Variants in WDR17 observed in about 807,000 individuals in gnomAD.
The protein encoded by WDR17 is WD repeat domain 17.
A neutral mutation model predicts 161.7 loss-of-function variants in WDR17; 143 were observed. That is an observed-to-expected ratio of 0.88 (90% CI 0.77 to 1.02). The LOEUF is 1.02. WDR17 is among the 50% of genes least tolerant of loss of function. The pLI is 0.00. For synonymous variants in WDR17, 517 were observed against 515.6 expected (o/e 1.00, Z -0.04); for missense variants, 1,469 against 1,520.9 (o/e 0.97, Z 0.57).
chr4:176,156,859 G>A (rs1748220126), intron 18 of WDR17, among the ~76,000 whole-genome samples: 1 of 151,974 alleles, frequency 6.6e-6, no homozygotes, highest in African/African-American at 2.4e-5. Flanking sequence ...GCAGTCCTTG[G>A]CATCTTGTGG....
At chr4:176,066,390 T>A (rs1357382314) in intron 1 of WDR17, among the ~76,000 whole-genome samples, 1 of 152,236 alleles carries the variant, frequency 6.6e-6, no homozygotes, top group Non-Finnish European at 1.5e-5. Context: ...ATTAAGTATA[T>A]GTCTAGAGCC....
At chr4:176,115,000 C>T (rs912955804) in intron 2 of WDR17, among the ~76,000 whole-genome samples, 3 of 151,744 alleles carry the variant, frequency 2.0e-5, no homozygotes, top group Admixed American at 1.3e-4. Flanking sequence ...GAGATTCAAT[C>T]GTGTAGAGAT....
chr4:176,174,968 T>C (rs1344217907), intron 26 of WDR17, among the ~76,000 whole-genome samples: 1 of 152,224 alleles, frequency 6.6e-6, no homozygotes, highest in African/African-American at 2.4e-5. Context: ...TGAGACAGGC[T>C]TTCTAAGGCT....
At chr4:176,155,716 AATAT>A (rs113370958) in intron 17 of WDR17, among the ~76,000 whole-genome samples, 6 of 130,290 alleles carry the variant, frequency 4.6e-5, no homozygotes, top group South Asian at 2.5e-4. Flanking sequence ...GACTAATTAA[AATAT>A]ATATATATAT....
chr4:176,165,955 G>T (rs925817296), intron 22 of WDR17, among the ~76,000 whole-genome samples: 2 of 152,154 alleles, frequency 1.3e-5, no homozygotes, highest in Non-Finnish European at 2.9e-5. Context: ...AATCCTCCTG[G>T]CTATTAGTAG....
At position 176,130,738 on chromosome 4, in the gene WDR17, C is replaced by A. The variant is rs557300799; in HGVS notation, c.914-816C>A. Reference sequence around the variant, plus strand: ...CCAGCCCGGGCAACAGAGCGAGACTCCGTCTCAAAAAAAAAAAAAAAAAAA... The same window carrying A: ...CCAGCCCGGGCAACAGAGCGAGACTACGTCTCAAAAAAAAAAAAAAAAAAA... On this transcript the variant is annotated intron_variant, in intron 6 of 28. Transcript: ENST00000508596. Among the ~76,000 whole-genome samples the A allele has an allele frequency of 4.0e-3, 585 of 147,248 alleles. 4 individuals carry two copies. The highest frequency in any genetic ancestry group is 0.014 in the African/African-American group (546 of 39,848).
At chr4:176,107,478 C>T (rs565786153) in intron 1 of WDR17, among the ~76,000 whole-genome samples, 4 of 150,278 alleles carry the variant, frequency 2.7e-5, no homozygotes, top group African/African-American at 9.8e-5. Context: ...GATATTTGTA[C>T]ATCCGTTTTC....
intron 1 of WDR17, among the ~76,000 whole-genome samples, chr4:176,083,539 C>T (rs1373343938): frequency 6.6e-6 from 1 of 152,018 alleles, no homozygotes. Context: ...GTTACTTATT[C>T]TCATTATTAT....
chr4:176,173,984 A>G (rs1386104536), intron 25 of WDR17, among the ~76,000 whole-genome samples: 1 of 151,746 alleles, frequency 6.6e-6, no homozygotes, highest in Non-Finnish European at 1.5e-5. Context: ...TCAAGTCCTT[A>G]AGAAACTCAT....
chr4:176,151,962 G>C lies in WDR17; in HGVS notation c.2455G>C (p.Gly819Arg). 1 of 1,611,722 alleles carries C rather than the reference G, an allele frequency of 6.2e-7. No homozygotes were observed. Among genetic ancestry groups the C allele is most frequent in the Non-Finnish European group, 8.5e-7 (1 of 1,179,404 alleles). Residue 819 changes from glycine (G) to arginine (R), a missense_variant, in exon 17 of 29, where the codon GGA (glycine) becomes CGA (arginine). Coordinates refer to ENST00000508596, the MANE Select transcript of WDR17 (RefSeq NM_181265.4). ...QRYCELMVEL[G>R]EWDKALSIAP... ...ATACTGTGAACTTATGGTTGAACTTGGAGAGGTAATGTGCTATGAAAGTAA... is the reference window on the plus strand; with the variant it reads ...ATACTGTGAACTTATGGTTGAACTTCGAGAGGTAATGTGCTATGAAAGTAA...
At chr4:176,076,214 A>AATAT (rs1219401869) in intron 1 of WDR17, among the ~76,000 whole-genome samples, 2,356 of 60,814 alleles carry the variant, frequency 0.039, 27 homozygotes, top group East Asian at 0.048. Context: ...TTACATATAT[A>AATAT]ATATATATAT....
chr4:176,117,833 C>CA (rs1282440376), intron 3 of WDR17, among the ~76,000 whole-genome samples: 1 of 151,872 alleles, frequency 6.6e-6, no homozygotes, highest in Non-Finnish European at 1.5e-5. Context: ...ATTTTATTTG[C>CA]AAAAAAATTA....
At chr4:176,131,414 A>C (rs1407556961) in intron 6 of WDR17, 140 bp from the exon 7 acceptor site, 2 of 800,192 alleles carry the variant, frequency 2.5e-6, no homozygotes, top group East Asian at 5.8e-5. Flanking sequence ...ATCCCAAAGA[A>C]CTGCTTATGT....
intron 22 of WDR17, 40 bp downstream of exon 22, chr4:176,163,333 G>T (rs1325525719): frequency 6.4e-7 from 1 of 1,564,608 alleles, no homozygotes; most frequent in Non-Finnish European, 8.6e-7. Flanking sequence ...TCATAGTGAT[G>T]GAATACATTT....
chr4:176,086,549 T>C (rs1167087502), intron 1 of WDR17, among the ~76,000 whole-genome samples: 1 of 151,956 alleles, frequency 6.6e-6, no homozygotes, highest in East Asian at 1.9e-4. Context: ...TTAAGCAACG[T>C]TCCTCTCTTT....
intron 6 of WDR17, among the ~76,000 whole-genome samples, chr4:176,130,556 A>G (rs1052806601): frequency 1.5e-4 from 23 of 151,814 alleles, no homozygotes; most frequent in Non-Finnish European, 2.9e-4. Flanking sequence ...CATCCTGGCT[A>G]ACACAGTGAA....
intron 7 of WDR17, 40 bp downstream of exon 7, chr4:176,131,778 T>C (rs1307650036): frequency 7.0e-7 from 1 of 1,420,568 alleles, no homozygotes; most frequent in Non-Finnish European, 9.3e-7. Context: ...ATAATAGTTT[T>C]TTGTGTAAAC....
At chr4:176,137,992 G>T (rs1397087167) in intron 9 of WDR17, among the ~76,000 whole-genome samples, 2 of 151,052 alleles carry the variant, frequency 1.3e-5, no homozygotes, top group Non-Finnish European at 3.0e-5. Flanking sequence ...CCTAAAAAAT[G>T]TTGAAGGTGG....
intron 2 of WDR17, among the ~76,000 whole-genome samples, chr4:176,113,136 GT>G (rs202139800): frequency 0.03 from 4,522 of 151,856 alleles, 126 homozygotes; most frequent in African/African-American, 0.067. Context: ...CTAAATGCCT[GT>G]TTTTTTCTCC....
Sources: gnomAD v4.1 joint callset for allele counts (sites outside exome capture counted in the v4.1 genomes callset) on GRCh38, gnomAD v4.1.1 for gene constraint, MANE v1.5 for transcripts, NCBI Gene and HGNC (gene_info 2026-07-23, HGNC 2026-07-21) for gene names.